The following SLC8A1 variants were observed in gnomAD, a reference collection of about 807,000 sequenced individuals.
SLC8A1 encodes the protein sodium/calcium exchanger 1.
Under a neutral mutation model 68.3 loss-of-function variants are expected in SLC8A1, and 18 were observed. That is an observed-to-expected ratio of 0.26 (90% CI 0.18 to 0.39). SLC8A1 has a LOEUF of 0.39. Ranked by LOEUF, SLC8A1 falls within the 10% of genes least tolerant of loss-of-function variation. The pLI is 1.00. For missense variants in SLC8A1, 985 were observed against 1,156.7 expected, an observed-to-expected ratio of 0.85 and a Z score of 2.15; for synonymous variants, 475 against 415.5, an observed-to-expected ratio of 1.14 and a Z score of -1.74.
chr2:40,159,650 ACC>A (rs1047136641), intron 6 of SLC8A1, among the ~76,000 whole-genome samples: 7 of 152,218 alleles, frequency 4.6e-5, no homozygotes, highest in Admixed American at 2.0e-4. Flanking sequence ...AAGAGAGTTT[ACC>A]CCTCCTTCTA....
chr2:40,464,694 G>C (rs969610835), intron 1 of SLC8A1, among the ~76,000 whole-genome samples: 2 of 152,098 alleles, frequency 1.3e-5, no homozygotes, highest in African/African-American at 4.8e-5. Context: ...TGTGGTGGGG[G>C]CATGACATTG....
At chr2:40,348,465 G>C (rs765684764) in intron 2 of SLC8A1, among the ~76,000 whole-genome samples, 9 of 152,118 alleles carry the variant, frequency 5.9e-5, no homozygotes, top group Non-Finnish European at 1.3e-4. Flanking sequence ...TAATAAAAAA[G>C]CTTTTTTTCT....
At chr2:40,507,483 C>T (rs1395129029) in intron 1 of SLC8A1, among the ~76,000 whole-genome samples, 1 of 152,014 alleles carries the variant, frequency 6.6e-6, no homozygotes, top group Non-Finnish European at 1.5e-5. Context: ...ACTAAGTGGA[C>T]TGTAATCTGA....
exon 8 of SLC8A1, chr2:40,108,357 G>A (rs957045751): frequency 5.9e-5 from 9 of 152,064 alleles, no homozygotes; most frequent in Admixed American, 1.3e-4. Context: ...TAAAACCTGC[G>A]AATATAAATT....
Position 40,348,137 on chromosome 2 carries a change from C to T in SLC8A1, c.1808+80336G>A, listed in dbSNP as rs541480881. Reference sequence around the variant, plus strand: ...AATGTTTTCAAGGGCTGGAAGACGGCGTGGTGACAGGAAGACAACGTGGTG... The same window carrying T: ...AATGTTTTCAAGGGCTGGAAGACGGTGTGGTGACAGGAAGACAACGTGGTG... On this transcript the variant is annotated intron_variant, in intron 2 of 7. Coordinates refer to ENST00000406785, the Ensembl canonical transcript of SLC8A1. Among the ~76,000 whole-genome samples the T allele has an allele frequency of 3.3e-5, 5 of 152,136 alleles. No individual in the cohort carries two copies. The South Asian group carries it at 6.2e-4, about 19-fold the overall frequency.
intron 2 of SLC8A1, among the ~76,000 whole-genome samples, chr2:40,393,263 A>G (rs1685888671): frequency 6.6e-6 from 1 of 152,094 alleles, no homozygotes; most frequent in Non-Finnish European, 1.5e-5. Flanking sequence ...ACAGCTCTGT[A>G]TTACTTAGGA....
intron 2 of SLC8A1, among the ~76,000 whole-genome samples, chr2:40,249,726 T>G (rs10490209): frequency 0.14 from 21,273 of 152,130 alleles, 2,422 homozygotes; most frequent in East Asian, 0.55. Context: ...TAGTAAAAAT[T>G]GCCAACGAAT....
chr2:40,456,943 G>A (rs1457337093), upstream of SLC8A1, among the ~76,000 whole-genome samples: 1 of 152,108 alleles, frequency 6.6e-6, no homozygotes, highest in African/African-American at 2.4e-5. Context: ...AGCTGCTTGT[G>A]AACTTTCTGA....
intron 4 of SLC8A1, among the ~76,000 whole-genome samples, chr2:40,168,130 T>G (rs1364199450): frequency 3.3e-5 from 5 of 152,068 alleles, no homozygotes; most frequent in Non-Finnish European, 7.4e-5. Flanking sequence ...TTCCAGGAAC[T>G]TATGATGTAA....
intron 1 of SLC8A1, among the ~76,000 whole-genome samples, chr2:40,444,951 C>T (rs1701173181): frequency 6.6e-6 from 1 of 152,140 alleles, no homozygotes; most frequent in East Asian, 1.9e-4. Context: ...CCTTTACCTT[C>T]CTGTGGCAAC....
intron 2 of SLC8A1, among the ~76,000 whole-genome samples, chr2:40,372,431 C>T (rs767919415): frequency 6.6e-5 from 10 of 152,078 alleles, no homozygotes; most frequent in Non-Finnish European, 1.2e-4. Context: ...GCCACAAACT[C>T]CTCTCCCTTT....
intron 2 of SLC8A1, among the ~76,000 whole-genome samples, chr2:40,410,474 G>C (rs1481456112): frequency 1.3e-5 from 2 of 152,162 alleles, no homozygotes; most frequent in East Asian, 3.9e-4. Context: ...GAAAACTTTA[G>C]AGATAATCTA....
At chr2:40,214,311 C>A (rs1226188688) in intron 2 of SLC8A1, among the ~76,000 whole-genome samples, 4 of 152,164 alleles carry the variant, frequency 2.6e-5, no homozygotes, top group African/African-American at 9.7e-5. Flanking sequence ...CTTCCCAGGT[C>A]AGTAAGCCAT....
At chr2:40,477,571 G>A (rs1704368631) in intron 1 of SLC8A1, among the ~76,000 whole-genome samples, 1 of 152,176 alleles carries the variant, frequency 6.6e-6, no homozygotes, top group Admixed American at 6.5e-5. Flanking sequence ...ACAATCAGAG[G>A]TTTGGCTTAG....
At chr2:40,182,430 A>G (rs1435123913) in intron 2 of SLC8A1, among the ~76,000 whole-genome samples, 2 of 152,214 alleles carry the variant, frequency 1.3e-5, no homozygotes, top group Non-Finnish European at 2.9e-5. Flanking sequence ...TAGCATTGAA[A>G]TATTTCTTAA....
chr2:40,366,700 C>G lies in SLC8A1; in HGVS notation c.1808+61773G>C, dbSNP rs74466160. Among the ~76,000 whole-genome samples, 15 of 151,724 alleles carry G rather than the reference C, an allele frequency of 9.9e-5. 1 individual carries two copies. The East Asian group carries it at 2.9e-3, about 29-fold the overall frequency. On this transcript the variant is annotated intron_variant, in intron 2 of 7. Coordinates refer to ENST00000406785, the Ensembl canonical transcript of SLC8A1. ...TTTTTCTGGCCCTTTAACTCCAGTA[C>G]CTTCTTTACTATCTCTGTTCCATAC...
At chr2:40,234,034 A>G (rs952748950) in intron 2 of SLC8A1, among the ~76,000 whole-genome samples, 9 of 152,228 alleles carry the variant, frequency 5.9e-5, no homozygotes, top group African/African-American at 1.4e-4. Context: ...AGGTAGCGTG[A>G]TGCCTCCAGC....
At chr2:40,284,904 T>A (rs1319725053) in intron 2 of SLC8A1, among the ~76,000 whole-genome samples, 1 of 152,120 alleles carries the variant, frequency 6.6e-6, no homozygotes, top group Non-Finnish European at 1.5e-5. Flanking sequence ...ATGAGCAAGC[T>A]TCATATTCAT....
At chr2:40,484,285 G>T (rs1704812768) in intron 1 of SLC8A1, among the ~76,000 whole-genome samples, 1 of 152,162 alleles carries the variant, frequency 6.6e-6, no homozygotes, top group East Asian at 1.9e-4. Context: ...GCTAACTGCA[G>T]TGATGATAGT....
Sources: allele counts gnomAD v4.1 joint callset (sites outside exome capture counted in the v4.1 genomes callset), GRCh38; gene constraint gnomAD v4.1.1; transcripts MANE v1.5; gene names NCBI Gene and HGNC (gene_info 2026-07-23, HGNC 2026-07-21).